The following ARF1 variants were observed in gnomAD, a reference collection of about 807,000 sequenced individuals.
ARF1 encodes ADP-ribosylation factor 1.
Under a neutral mutation model 18.0 loss-of-function variants are expected in ARF1, and 1 was observed. The observed-to-expected ratio is 0.06, with a 90% CI of 0.02 to 0.26. The LOEUF (loss-of-function observed/expected upper bound fraction) is 0.26, where lower values mean the gene tolerates loss of function less well. Among genes scored for constraint, ARF1 ranks in the 10% least tolerant of loss-of-function variants. The pLI is 1.00. For missense variants in ARF1, 73 were observed against 247.2 expected (o/e 0.30, Z 4.73); for synonymous variants, 112 against 96.3 (o/e 1.16, Z -0.95).
chr1:228,087,581 C>T (rs2032446047), intron 1 of ARF1, among the ~76,000 whole-genome samples: 1 of 152,102 alleles, frequency 6.6e-6, no homozygotes, highest in Non-Finnish European at 1.5e-5. Flanking sequence ...GTCAAGGTTG[C>T]AGTGAGCTGT....
intron 1 of ARF1, among the ~76,000 whole-genome samples, chr1:228,093,955 CAAAAA>C (rs869199671): frequency 3.3e-4 from 17 of 51,152 alleles, no homozygotes; most frequent in African/African-American, 5.7e-4. Context: ...GACTCTGTCT[CAAAAA>C]AAAAAAAAAA....
At chr1:228,084,380 G>A (rs1165896018) in intron 1 of ARF1, among the ~76,000 whole-genome samples, 1 of 152,230 alleles carries the variant, frequency 6.6e-6, no homozygotes, top group Non-Finnish European at 1.5e-5. Context: ...CTTGTCTTCA[G>A]GCGTATCTTG....
chr1:228,094,024 T>G (rs931151147), intron 1 of ARF1, among the ~76,000 whole-genome samples: 14 of 150,116 alleles, frequency 9.3e-5, no homozygotes, highest in African/African-American at 3.4e-4. Context: ...CAAACCCCAC[T>G]GCCTGCAGGC....
Position 228,089,343 on chromosome 1 carries a change from A to G in ARF1, c.-38+6578A>G, listed in dbSNP as rs2032500898. ...GCCTCCAGAAGCGAGGATTTCCTGC[A>G]AGGGCGGTGGCCTCCCAGGGTCTGT... On this transcript the variant is annotated intron_variant, in intron 1 of 4. Transcript: ENST00000272102. This position sits in a 1 kb window ranked among gnomAD's most constrained non-coding sequence, Gnocchi z 4.1. Among the ~76,000 whole-genome samples, 1 of 152,146 alleles carries G rather than the reference A, an allele frequency of 6.6e-6. No individual in the cohort carries two copies. The highest frequency in any genetic ancestry group is 6.5e-5 in the Admixed American group (1 of 15,284).
intron 1 of ARF1, among the ~76,000 whole-genome samples, chr1:228,094,464 GT>G (rs2032671715): frequency 6.6e-6 from 1 of 152,086 alleles, no homozygotes; most frequent in East Asian, 1.9e-4. Flanking sequence ...TCATGCTTGG[GT>G]TTTTCATGCG....
Position 228,097,805 on chromosome 1 carries a change from T to C in ARF1, c.385-47T>C, listed in dbSNP as rs1558087897. ...TTACTGGAGGCTGGTGGGGCCCCTT[T>C]CTCTGTCCTGTGGACAGCCCTTCCC... On this transcript the variant is annotated intron_variant, in intron 4 of 4. Transcript: ENST00000272102. The surrounding 1 kb of genome is among the most constrained non-coding windows in gnomAD (Gnocchi z 8.1). 6.3e-7 allele frequency: 1 copy of C among 1,595,116 alleles called. No homozygotes were observed. The highest frequency in any genetic ancestry group is 2.2e-5 in the East Asian group (1 of 44,664).
chr1:228,094,508 A>G (rs1048043129), intron 1 of ARF1, among the ~76,000 whole-genome samples: 7 of 151,976 alleles, frequency 4.6e-5, no homozygotes, highest in Admixed American at 2.6e-4. Context: ...CGCATTGCCT[A>G]GAGTTGCCCA....
intron 1 of ARF1, 80 bp from the exon 2 acceptor site, chr1:228,096,998 G>T: frequency 4.6e-6 from 6 of 1,315,076 alleles, no homozygotes; most frequent in Non-Finnish European, 6.2e-6. Flanking sequence ...TGAGGCAGTG[G>T]TGCATCCCTG....
chr1:228,096,956 C>T (rs2032766314), intron 1 of ARF1, 122 bp from the exon 2 acceptor site: 1 of 901,042 alleles, frequency 1.1e-6, no homozygotes, highest in Non-Finnish European at 1.6e-6. Context: ...GGGCTCTTTC[C>T]CTGTTTCCCT....
intron 1 of ARF1, among the ~76,000 whole-genome samples, chr1:228,084,222 A>G (rs866241644): frequency 1.3e-4 from 20 of 152,370 alleles, no homozygotes; most frequent in Middle Eastern, 3.4e-3. Context: ...AGCCAGAACC[A>G]TAAGGTCCTG....
Position 228,097,268 on chromosome 1 carries a change from G to A in ARF1, c.148+6G>A. On this transcript the variant is annotated splice_donor_region_variant and intron_variant, in intron 2 of 4. Coordinates refer to ENST00000272102, the MANE Select transcript of ARF1 (RefSeq NM_001658.4). This position sits in a 1 kb window ranked among gnomAD's most constrained non-coding sequence, Gnocchi z 8.1. ...GACCACCATTCCCACCATAGGTGAG[G>A]TGGGGGCCAGCAGGGAGTGGGCTGG... 6.2e-7 allele frequency: 1 copy of A among 1,609,824 alleles called. No individual in the cohort carries two copies. The highest frequency in any genetic ancestry group is 2.2e-5 in the East Asian group (1 of 44,818).
chr1:228,086,331 T>C (rs2032398853), intron 1 of ARF1, among the ~76,000 whole-genome samples: 2 of 151,742 alleles, frequency 1.3e-5, no homozygotes, highest in Non-Finnish European at 2.9e-5. Context: ...CTGGCGAACA[T>C]GGTGATACCC....
intron 1 of ARF1, among the ~76,000 whole-genome samples, chr1:228,091,960 A>G (rs2032588377): frequency 6.6e-6 from 1 of 152,150 alleles, no homozygotes; most frequent in East Asian, 1.9e-4. Context: ...GATCATCTAC[A>G]CTATATGTAT....
At chr1:228,083,220 G>C (rs1002691486) in intron 1 of ARF1, 1 of 152,272 alleles carries the variant, frequency 6.6e-6, no homozygotes, top group Non-Finnish European at 1.5e-5. Context: ...CCCCACCCGA[G>C]TACAGGCGAG....
At chr1:228,086,691 C>A (rs2032414500) in intron 1 of ARF1, among the ~76,000 whole-genome samples, 1 of 152,148 alleles carries the variant, frequency 6.6e-6, no homozygotes, top group South Asian at 2.1e-4. Context: ...TCATACACCG[C>A]CCACTGCATC....
chr1:228,087,138 C>A (rs891081363), intron 1 of ARF1, among the ~76,000 whole-genome samples: 36 of 152,202 alleles, frequency 2.4e-4, no homozygotes, highest in African/African-American at 8.7e-4. Flanking sequence ...TGCCAGCAAG[C>A]TAGAAAGATT....
At chr1:228,094,052 A>G (rs549946165) in intron 1 of ARF1, among the ~76,000 whole-genome samples, 1 of 151,722 alleles carries the variant, frequency 6.6e-6, no homozygotes, top group Admixed American at 6.6e-5. Flanking sequence ...TCTCCTGGGC[A>G]TGGTTGGCGG....
intron 1 of ARF1, among the ~76,000 whole-genome samples, 151 bp from the exon 2 acceptor site, chr1:228,096,927 T>C (rs963228441): frequency 6.6e-6 from 1 of 152,076 alleles, no homozygotes; most frequent in Admixed American, 6.5e-5. Flanking sequence ...TGAGGTGGAT[T>C]TGGGGGGCAT....
intron 1 of ARF1, among the ~76,000 whole-genome samples, chr1:228,092,944 A>G (rs1227604898): frequency 2.0e-5 from 3 of 152,190 alleles, no homozygotes; most frequent in African/African-American, 7.2e-5. Context: ...CTTTGGTGTA[A>G]TGCCTGAAGG....
Sources: allele counts gnomAD v4.1 joint callset (sites outside exome capture counted in the v4.1 genomes callset), GRCh38; gene constraint gnomAD v4.1.1; non-coding constraint Gnocchi (gnomAD v3.1); transcripts MANE v1.5; gene names NCBI Gene and HGNC (gene_info 2026-07-23, HGNC 2026-07-21).